HMCN2: variants seen among roughly 807,000 people sequenced by gnomAD.
The protein encoded by HMCN2 is hemicentin 2.
A neutral mutation model predicts 377.5 loss-of-function variants in HMCN2; 325 were observed. The ratio of observed to expected loss-of-function variants is 0.86; its 90% confidence interval spans 0.79 to 0.94. HMCN2 has a LOEUF of 0.94. Ranked by LOEUF, HMCN2 falls within the 40% of genes least tolerant of loss-of-function variation. The probability of loss-of-function intolerance (pLI) is 0.00; values close to 1 mark genes in which losing one functional copy is unlikely to be tolerated. For missense variants in HMCN2, 4,543 were observed against 4,725.3 expected, an observed-to-expected ratio of 0.96 and a Z score of 1.13; for synonymous variants, 2,007 against 2,046.8, an observed-to-expected ratio of 0.98 and a Z score of 0.53.
At chr9:130,401,330 G>A (rs1390637243) in intron 77 of HMCN2, among the ~76,000 whole-genome samples, 1 of 152,140 alleles carries the variant, frequency 6.6e-6, no homozygotes, top group Non-Finnish European at 1.5e-5. Flanking sequence ...ATAGTACATG[G>A]TGATTTTTTT....
intron 8 of HMCN2, among the ~76,000 whole-genome samples, chr9:130,301,775 C>T (rs369601879): frequency 2.0e-5 from 3 of 152,242 alleles, no homozygotes; most frequent in Non-Finnish European, 4.4e-5. Context: ...CCTCTGCTGG[C>T]GGGGATGGGG....
At chr9:130,288,899 G>A (rs1205256387) in intron 4 of HMCN2, among the ~76,000 whole-genome samples, 4 of 152,182 alleles carry the variant, frequency 2.6e-5, no homozygotes, top group African/African-American at 9.7e-5. Flanking sequence ...AAACAGACAG[G>A]GGATCATGTC....
In HMCN2 at chr9:130,384,669, T is replaced by A; in HGVS notation, c.8993-16T>A. The A allele has an allele frequency of 7.7e-7, 1 of 1,302,334 alleles. No individual in the cohort carries two copies. The highest frequency in any genetic ancestry group is 1.2e-5 in the South Asian group (1 of 80,998). 80.7% of individuals were successfully genotyped at this position (1,302,334 alleles called of 1,614,324 possible). On this transcript the variant is annotated splice_polypyrimidine_tract_variant and intron_variant, in intron 58 of 97. Transcript: ENST00000683500. Reference sequence around the variant, plus strand: ...GGGCTGGAATGCTGGTGTGAGGGGCTGGCTTCCCCCGGCAGGCACCCACAC... The same window carrying A: ...GGGCTGGAATGCTGGTGTGAGGGGCAGGCTTCCCCCGGCAGGCACCCACAC...
chr9:130,295,201 G>A (rs1477569830), intron 5 of HMCN2, among the ~76,000 whole-genome samples, 175 bp downstream of exon 5: 4 of 152,226 alleles, frequency 2.6e-5, no homozygotes, highest in Middle Eastern at 3.4e-3. Context: ...TGGTGTGCGA[G>A]GAAGCAGGAG....
intron 66 of HMCN2, among the ~76,000 whole-genome samples, chr9:130,392,537 A>G (rs1020460729): frequency 1.3e-5 from 2 of 152,144 alleles, no homozygotes; most frequent in African/African-American, 4.8e-5. Context: ...CTCTGAGGGC[A>G]AAGAGGGCTG....
chr9:130,346,991 G>C (rs1180375103), intron 25 of HMCN2, among the ~76,000 whole-genome samples, 175 bp from the exon 26 acceptor site: 1 of 152,128 alleles, frequency 6.6e-6, no homozygotes, highest in Non-Finnish European at 1.5e-5. Flanking sequence ...GCGGGTGTGG[G>C]GGCTCCCACG....
intron 85 of HMCN2, among the ~76,000 whole-genome samples, chr9:130,413,268 T>A (rs1843519083): frequency 6.6e-6 from 1 of 152,212 alleles, no homozygotes; most frequent in Non-Finnish European, 1.5e-5. Flanking sequence ...CCTTATTGCC[T>A]TGGTTGGACC....
At chr9:130,374,007 G>A (rs1841234914) in intron 48 of HMCN2, among the ~76,000 whole-genome samples, 1 of 151,948 alleles carries the variant, frequency 6.6e-6, no homozygotes, top group Non-Finnish European at 1.5e-5. Flanking sequence ...TGGTTGGGTG[G>A]ATGGATGAAT....
intron 40 of HMCN2, among the ~76,000 whole-genome samples, chr9:130,364,351 A>G (rs1323721352): frequency 6.6e-6 from 1 of 152,242 alleles, no homozygotes; most frequent in African/African-American, 2.4e-5. Flanking sequence ...TTTTTGCTTC[A>G]GGGGCAAAAG....
intron 14 of HMCN2, 78 bp from the exon 15 acceptor site, chr9:130,309,834 G>A: frequency 2.8e-6 from 1 of 358,616 alleles, no homozygotes; most frequent in Non-Finnish European, 5.8e-6. Flanking sequence ...CAGGAGCCAA[G>A]GGTCAGGCTC....
rs1014776259 is a variant in HMCN2 at position 130,382,256 on chromosome 9, A to T, written c.8504A>T (p.Glu2835Val). The T allele has an allele frequency of 4.1e-6, 4 of 985,668 alleles. No individual in the cohort carries two copies. Among genetic ancestry groups the T allele is most frequent in the Non-Finnish European group, 4.8e-6 (4 of 829,936 alleles). The allele number at this position is 985,668 out of a possible 1,614,324, so 61.1% of individuals were successfully genotyped here. ...AGGTACTCGTGCAAGGCCTCCAACGAGGTGGGCGAGGACTGGCTGCACTAC... is the reference window on the plus strand; with the variant it reads ...AGGTACTCGTGCAAGGCCTCCAACGTGGTGGGCGAGGACTGGCTGCACTAC... The part of the protein sequence containing the change: ...AGRYSCKASN[E>V]VGEDWLHYEL... The change falls in exon 55 of 98, where the codon GAG becomes GTG. Residue 2835 changes from glutamate (E) to valine (V), a missense_variant. Transcript: ENST00000683500.
chr9:130,429,871 A>G (rs1844633184), intron 94 of HMCN2, 186 bp downstream of exon 94: 3 of 1,143,174 alleles, frequency 2.6e-6, no homozygotes, highest in East Asian at 2.7e-5. Context: ...ACAGCAGCCG[A>G]CACTTTGCAC....
chr9:130,299,290 T>C lies in HMCN2; in HGVS notation c.1276+2T>C, dbSNP rs1554933412. The C allele has an allele frequency of 2.2e-6, 1 of 451,602 alleles. No individual in the cohort carries two copies. The highest frequency in any genetic ancestry group is 1.6e-5 in the South Asian group (1 of 62,804). 28.0% of individuals were successfully genotyped at this position (451,602 alleles called of 1,614,324 possible). On this transcript the variant is annotated splice_donor_variant, in intron 8 of 97. Coordinates refer to ENST00000683500, the MANE Select transcript of HMCN2 (RefSeq NM_001291815.2). LOFTEE classifies it high-confidence loss of function. Reference sequence around the variant, plus strand: ...TGTCCTACAGTGGGGTGGCCCCAGGTGAGTGGTTGGCTCTTTTGTCTCCCA... The same window carrying C: ...TGTCCTACAGTGGGGTGGCCCCAGGCGAGTGGTTGGCTCTTTTGTCTCCCA...
At chr9:130,432,697 G>A in intron 97 of HMCN2, 142 bp downstream of exon 97, 3 of 860,320 alleles carry the variant, frequency 3.5e-6, no homozygotes, top group Non-Finnish European at 3.6e-6. Flanking sequence ...GGCAGGGAGA[G>A]GCCAGAGTGG....
Position 130,396,164 on chromosome 9 carries a change from C to A in HMCN2, c.11054-5C>A. 5 of 1,270,136 alleles carry A rather than the reference C, an allele frequency of 3.9e-6. No homozygotes were observed. Among genetic ancestry groups the A allele is most frequent in the Non-Finnish European group, 5.1e-6 (5 of 973,360 alleles). The allele number at this position is 1,270,136 out of a possible 1,614,324, so 78.7% of individuals were successfully genotyped here. A position where few individuals can be genotyped will look rare whatever the true frequency, so the allele number is the denominator to read the frequency against. On this transcript the variant is annotated splice_region_variant and splice_polypyrimidine_tract_variant and intron_variant, in intron 72 of 97. Coordinates refer to ENST00000683500, the MANE Select transcript of HMCN2 (RefSeq NM_001291815.2). ...CAGCACCACTCCCTCTGTGCCCCTCCCCAGCGGTGCCCACCATCCGGTCAG... is the reference window on the plus strand; with the variant it reads ...CAGCACCACTCCCTCTGTGCCCCTCACCAGCGGTGCCCACCATCCGGTCAG...
In HMCN2 at chr9:130,382,840, G is replaced by A. The variant is rs2131639211; in HGVS notation, c.8707G>A (p.Val2903Ile). The A allele has an allele frequency of 1.0e-6, 1 of 985,894 alleles. No individual in the cohort carries two copies. The highest frequency in any genetic ancestry group is 1.2e-6 in the Non-Finnish European group (1 of 829,924). 61.1% of individuals were successfully genotyped at this position (985,894 alleles called of 1,614,324 possible). Residue 2903 changes from valine (V) to isoleucine (I), a missense_variant, in exon 56 of 98, where the codon GTC (valine) becomes ATC (isoleucine). By Grantham distance (29) the Val-to-Ile change is conservative (BLOSUM62 3). Transcript: ENST00000683500. ...TTTCTCCCCGAGCCCACGGCTGCAG[G>A]TCCTGGAGGACGGGCAAGTCTTGCA... is the stretch of plus-strand genomic sequence containing the variant. The part of the protein sequence containing the change: ...LPFSPSPRLQ[V>I]LEDGQVLQVS...
chr9:130,381,899 G>T (rs1044513415), intron 54 of HMCN2, among the ~76,000 whole-genome samples: 1 of 152,156 alleles, frequency 6.6e-6, no homozygotes, highest in African/African-American at 2.4e-5. Flanking sequence ...GCTCAGGTTT[G>T]CCATCTGTAA....
chr9:130,416,152 T>G (rs1404494435), intron 85 of HMCN2, among the ~76,000 whole-genome samples: 4 of 147,204 alleles, frequency 2.7e-5, no homozygotes, highest in African/African-American at 5.0e-5. Flanking sequence ...TCACCCAGGC[T>G]GGAGTGCAGT....
chr9:130,396,711 A>C (rs1364189585), intron 73 of HMCN2, among the ~76,000 whole-genome samples: 1 of 152,122 alleles, frequency 6.6e-6, no homozygotes, highest in African/African-American at 2.4e-5. Flanking sequence ...GTTGTCTGTG[A>C]ATCCCAACTC....
Sources: gnomAD v4.1 joint callset for allele counts (sites outside exome capture counted in the v4.1 genomes callset) on GRCh38, gnomAD v4.1.1 for gene constraint, MANE v1.5 for transcripts, NCBI Gene and HGNC (gene_info 2026-07-23, HGNC 2026-07-21) for gene names.